TMEM131: variants seen among roughly 807,000 people sequenced by gnomAD.
TMEM131 encodes transmembrane protein 131, also known as 2610524E03Rik.
TMEM131 carries 66 observed loss-of-function variants against 211.6 expected under a neutral mutation model. The ratio of observed to expected loss-of-function variants is 0.31; its 90% CI spans 0.26 to 0.38. The LOEUF is 0.38. TMEM131 is among the 10% of genes least tolerant of loss of function. The pLI is 1.00. For missense variants in TMEM131, 2,036 were observed against 2,299.3 expected (o/e 0.89, Z 2.34); for synonymous variants, 844 against 841.3 (o/e 1.00, Z -0.06).
intron 5 of TMEM131, among the ~76,000 whole-genome samples, chr2:97,851,486 C>G (rs1673626111): frequency 6.6e-6 from 1 of 152,204 alleles, no homozygotes; most frequent in African/African-American, 2.4e-5. Flanking sequence ...CTTTGCTTTA[C>G]TGCACTTCGC....
chr2:97,777,097 A>G (rs1161182850), intron 31 of TMEM131, among the ~76,000 whole-genome samples: 1 of 152,108 alleles, frequency 6.6e-6, no homozygotes, highest in Non-Finnish European at 1.5e-5. Context: ...AGCAAACAAC[A>G]AGCAAGCTCC....
intron 11 of TMEM131, among the ~76,000 whole-genome samples, chr2:97,822,207 T>TA (rs1281305719): frequency 3.3e-5 from 5 of 151,960 alleles, no homozygotes; most frequent in Admixed American, 3.3e-4. Context: ...ATTCCCTCCT[T>TA]TAGGCACCTG....
chr2:97,982,900 G>A (rs1679858476), intron 1 of TMEM131, among the ~76,000 whole-genome samples: 1 of 152,180 alleles, frequency 6.6e-6, no homozygotes, highest in Non-Finnish European at 1.5e-5. Context: ...CTCCCCTGAA[G>A]CCTACAGAAA....
In TMEM131 at chr2:97,802,511, A is replaced by C. The variant is rs1402122480; in HGVS notation, c.2568T>G (p.Pro856=). The C allele has an allele frequency of 6.2e-7, 1 of 1,612,038 alleles. No homozygotes were observed. The highest frequency in any genetic ancestry group is 2.2e-5 in the East Asian group (1 of 44,800). The part of the protein sequence containing the change: ...SSEEEITLEN[P]ADVPVYVQFI... ...ACTGAACATAGACAGGAACATCTGC[A>C]GGATTTTCTAAAGTAATCTCTTCTT... Residue 856 remains proline (P), a synonymous_variant, in exon 24 of 41, where the codon CCT becomes CCG. Coordinates refer to ENST00000186436, the MANE Select transcript of TMEM131 (RefSeq NM_015348.2).
chr2:97,995,511 G>C lies in TMEM131; in HGVS notation c.152C>G (p.Thr51Ser), dbSNP rs993335569. 2.1e-6 allele frequency: 3 copies of C among 1,411,142 alleles called. No individual in the cohort carries two copies. Among genetic ancestry groups the C allele is most frequent in the Non-Finnish European group, 2.8e-6 (3 of 1,076,730 alleles). 87.4% of individuals were successfully genotyped at this position (1,411,142 alleles called of 1,614,324 possible). The change falls in exon 1 of 41, where the codon ACC (threonine) becomes AGC (serine). Residue 51 changes from threonine to serine, a missense_variant. Thr to Ser is a moderately conservative substitution (Grantham distance 58, BLOSUM62 1). Transcript: ENST00000186436. ...GGCCCGCGCCGCAGCCACTACGAGG[G>C]TCATCACCAGGTGCAGCGCGCCTAG... ...GLLGALHLVMTLVVAAARAEK... is the reference protein window; with the variant it reads ...GLLGALHLVMSLVVAAARAEK...
chr2:97,772,801 G>A (rs1159132382), intron 32 of TMEM131, among the ~76,000 whole-genome samples: 1 of 152,236 alleles, frequency 6.6e-6, no homozygotes, highest in African/African-American at 2.4e-5. Context: ...GGAGGCTGAG[G>A]CATGAGAATC....
chr2:97,922,914 AT>A (rs1341436783), intron 2 of TMEM131, among the ~76,000 whole-genome samples: 1 of 152,222 alleles, frequency 6.6e-6, no homozygotes, highest in Non-Finnish European at 1.5e-5. Flanking sequence ...AAGAAAAAAA[AT>A]AAATGAATCA....
At chr2:97,931,118 A>C (rs779093125) in intron 1 of TMEM131, among the ~76,000 whole-genome samples, 1 of 151,870 alleles carries the variant, frequency 6.6e-6, no homozygotes, top group Non-Finnish European at 1.5e-5. Context: ...TTTAGCAACC[A>C]AATTTTTTTA....
intron 6 of TMEM131, among the ~76,000 whole-genome samples, chr2:97,842,162 G>C (rs1683229449): frequency 6.6e-6 from 1 of 152,000 alleles, no homozygotes; most frequent in Non-Finnish European, 1.5e-5. Context: ...TAATATATTA[G>C]AAATTGAATA....
chr2:97,888,026 G>A (rs777546787), intron 4 of TMEM131, 26 bp downstream of exon 4: 3 of 1,587,094 alleles, frequency 1.9e-6, no homozygotes, highest in Admixed American at 1.7e-5. Flanking sequence ...TAATGGGAAA[G>A]TACAGTCCAA....
At chr2:97,828,562 G>A (rs1488772389) in intron 11 of TMEM131, among the ~76,000 whole-genome samples, 3 of 152,178 alleles carry the variant, frequency 2.0e-5, no homozygotes, top group Non-Finnish European at 2.9e-5. Context: ...GGATTTCTCA[G>A]ACAGTTTGCA....
Position 97,833,415 on chromosome 2 carries a change from CT to C in TMEM131, c.1023del (p.Val342PhefsTer2). On this transcript the variant is annotated frameshift_variant, in exon 11 of 41. Transcript: ENST00000186436. LOFTEE classifies it high-confidence loss of function. ...GAATTTAATAAATGAAGGTTTAAAA[CT>C]TTTGGTAGATCTGTTAAAATTGAGG... ...FGTLRTQDLP[K>X]VLNLHLLNSG... The C allele has an allele frequency of 1.5e-6, 2 of 1,347,626 alleles. No homozygotes were observed. The highest frequency in any genetic ancestry group is 2.5e-5 in the East Asian group (1 of 40,370). The allele number at this position is 1,347,626 out of a possible 1,614,324, so 83.5% of individuals were successfully genotyped here.
At chr2:97,767,786 C>T (rs955871215) in intron 33 of TMEM131, among the ~76,000 whole-genome samples, 6 of 152,156 alleles carry the variant, frequency 3.9e-5, no homozygotes, top group African/African-American at 1.4e-4. Flanking sequence ...TCAGGACTCC[C>T]GGCCCCATCC....
At chr2:97,939,743 TC>T (rs1677628808) in intron 1 of TMEM131, among the ~76,000 whole-genome samples, 1 of 152,100 alleles carries the variant, frequency 6.6e-6, no homozygotes, top group Non-Finnish European at 1.5e-5. Flanking sequence ...TAGACCAATA[TC>T]CCTGATGAAC....
intron 2 of TMEM131, among the ~76,000 whole-genome samples, chr2:97,913,440 A>G (rs987589262): frequency 6.6e-6 from 1 of 152,216 alleles, no homozygotes; most frequent in African/African-American, 2.4e-5. Context: ...AATTCATTTT[A>G]CAGATAAAGA....
chr2:97,957,359 T>C (rs1678618752), intron 1 of TMEM131, among the ~76,000 whole-genome samples: 1 of 152,226 alleles, frequency 6.6e-6, no homozygotes, highest in Admixed American at 6.5e-5. Flanking sequence ...TTAAAATTTA[T>C]TTAGTCACAT....
chr2:97,929,454 C>T (rs1244820600), intron 1 of TMEM131, among the ~76,000 whole-genome samples: 1 of 151,724 alleles, frequency 6.6e-6, no homozygotes, highest in Non-Finnish European at 1.5e-5. Context: ...ATTTGTTGGT[C>T]TTTTGGAAAT....
chr2:97,879,115 T>C (rs555913225), intron 4 of TMEM131, among the ~76,000 whole-genome samples: 128 of 152,306 alleles, frequency 8.4e-4, no homozygotes, highest in Non-Finnish European at 1.2e-3. Flanking sequence ...TTTCCACCCC[T>C]GCTAGTTAGA....
At chr2:97,822,876 A>G (rs895320379) in intron 11 of TMEM131, among the ~76,000 whole-genome samples, 1 of 152,026 alleles carries the variant, frequency 6.6e-6, no homozygotes, top group Non-Finnish European at 1.5e-5. Flanking sequence ...AGCCATTGGG[A>G]CCAATTTGAC....
Sources: gnomAD v4.1 joint callset for allele counts (sites outside exome capture counted in the v4.1 genomes callset) on GRCh38, gnomAD v4.1.1 for gene constraint, MANE v1.5 for transcripts, NCBI Gene and HGNC (gene_info 2026-07-23, HGNC 2026-07-21) for gene names.